Variants in NLGN1 observed in about 807,000 individuals in gnomAD.
NLGN1 encodes neuroligin 1, also known as neuroligin-1.
In NLGN1, 12 loss-of-function variants were observed where a neutral mutation model predicts 65.5. The observed-to-expected ratio is 0.18, with a 90% confidence interval of 0.12 to 0.30. NLGN1 has a LOEUF of 0.30. Ranked by LOEUF, NLGN1 falls within the 10% of genes least tolerant of loss-of-function variation. The pLI is 1.00. For synonymous variants in NLGN1, 350 were observed against 359.5 expected, an observed-to-expected ratio of 0.97 and a Z score of 0.30; for missense variants, 750 against 1,007.1, an observed-to-expected ratio of 0.74 and a Z score of 3.46.
At chr3:173,694,572 G>A (rs1414001487) in intron 3 of NLGN1, among the ~76,000 whole-genome samples, 1 of 152,118 alleles carries the variant, frequency 6.6e-6, no homozygotes, top group South Asian at 2.1e-4. Flanking sequence ...TTGTCAGAAT[G>A]TACAGTAGGG....
At chr3:173,847,513 T>C (rs1726007815) in intron 4 of NLGN1, among the ~76,000 whole-genome samples, 1 of 152,214 alleles carries the variant, frequency 6.6e-6, no homozygotes. Context: ...GACTGGCTTA[T>C]TACAATGAGA....
In NLGN1 at chr3:174,154,675, T is replaced by C. The variant is rs1372726234; in HGVS notation, c.647-120640T>C. ...CAGACTTTGTGCAGAAAACTGACAA[T>C]GAAAGTGATTACATAGGAAAAATGC... On this transcript the variant is annotated intron_variant, in intron 4 of 6. Coordinates refer to ENST00000457714, the Ensembl canonical transcript of NLGN1. Among the ~76,000 whole-genome samples, 4 of 151,730 alleles carry C rather than the reference T, an allele frequency of 2.6e-5. No individual in the cohort carries two copies. The East Asian group carries it at 7.7e-4, about 29-fold the overall frequency.
intron 3 of NLGN1, among the ~76,000 whole-genome samples, chr3:173,637,407 C>A (rs549503862): frequency 6.6e-6 from 1 of 152,202 alleles, no homozygotes; most frequent in Non-Finnish European, 1.5e-5. Context: ...AACTAAATGA[C>A]CCCTATTGGT....
chr3:173,992,590 G>A (rs1306424125), intron 4 of NLGN1, among the ~76,000 whole-genome samples: 1 of 152,052 alleles, frequency 6.6e-6, no homozygotes, highest in Non-Finnish European at 1.5e-5. Context: ...AAGTAAAATA[G>A]GCTTATCTTT....
chr3:174,267,891 A>T (rs1561433727), intron 4 of NLGN1, among the ~76,000 whole-genome samples: 1 of 152,338 alleles, frequency 6.6e-6, no homozygotes, highest in East Asian at 1.9e-4. Flanking sequence ...TAGTCCAGAA[A>T]AAAATGGAAT....
chr3:173,680,542 T>G (rs1763815392), intron 3 of NLGN1, among the ~76,000 whole-genome samples: 1 of 152,184 alleles, frequency 6.6e-6, no homozygotes, highest in African/African-American at 2.4e-5. Flanking sequence ...GTGACAAGTT[T>G]TTAAAATTCT....
chr3:173,897,856 A>C (rs1177622469), intron 4 of NLGN1, among the ~76,000 whole-genome samples: 1 of 152,192 alleles, frequency 6.6e-6, no homozygotes, highest in East Asian at 1.9e-4. Context: ...CTAATAGAAT[A>C]GCATGGTGTT....
chr3:173,792,597 T>A (rs1285780272), intron 3 of NLGN1, among the ~76,000 whole-genome samples: 2 of 152,018 alleles, frequency 1.3e-5, no homozygotes, highest in Non-Finnish European at 1.5e-5. Context: ...GGTCTAAGGA[T>A]GAAGTCACTG....
chr3:173,669,541 T>C (rs1053960687), intron 3 of NLGN1, among the ~76,000 whole-genome samples: 7 of 152,176 alleles, frequency 4.6e-5, no homozygotes, highest in African/African-American at 1.7e-4. Context: ...TGGATGTCAG[T>C]CATATTGGAT....
intron 3 of NLGN1, among the ~76,000 whole-genome samples, chr3:173,665,117 C>T (rs1489744005): frequency 6.6e-6 from 1 of 152,128 alleles, no homozygotes; most frequent in Non-Finnish European, 1.5e-5. Context: ...TCTGTGTCCC[C>T]AACCAAAATC....
At chr3:173,731,909 T>C (rs1346053953) in intron 3 of NLGN1, among the ~76,000 whole-genome samples, 1 of 151,984 alleles carries the variant, frequency 6.6e-6, no homozygotes, top group East Asian at 1.9e-4. Context: ...AACAGAGTAA[T>C]GAAAAGATAA....
chr3:173,505,404 T>G (rs1017015277), intron 2 of NLGN1, among the ~76,000 whole-genome samples: 8 of 152,108 alleles, frequency 5.3e-5, no homozygotes. Flanking sequence ...TGCCAGTGCC[T>G]TACTTAAAAT....
chr3:173,785,239 C>T (rs1781771388), intron 3 of NLGN1, among the ~76,000 whole-genome samples: 1 of 152,202 alleles, frequency 6.6e-6, no homozygotes, highest in African/African-American at 2.4e-5. Flanking sequence ...ATCATGGTGC[C>T]TCATTCTTAC....
intron 4 of NLGN1, among the ~76,000 whole-genome samples, chr3:174,084,626 A>G (rs1016471783): frequency 5.3e-5 from 8 of 152,074 alleles, no homozygotes; most frequent in African/African-American, 1.7e-4. Context: ...AATGGTAAGA[A>G]GGGATTATCC....
chr3:174,282,071 A>G (rs1263467316), exon 7 of NLGN1: 1 of 152,334 alleles, frequency 6.6e-6, no homozygotes, highest in Non-Finnish European at 1.5e-5. Context: ...ACAATAAAAT[A>G]ATTCACAGTA....
At chr3:173,941,183 A>G (rs1417266834) in intron 4 of NLGN1, among the ~76,000 whole-genome samples, 1 of 152,094 alleles carries the variant, frequency 6.6e-6, no homozygotes, top group East Asian at 1.9e-4. Flanking sequence ...ATCATAGTAC[A>G]GAATCATAAT....
At chr3:173,632,852 T>TG (rs1560081899) in intron 3 of NLGN1, among the ~76,000 whole-genome samples, 3 of 91,024 alleles carry the variant, frequency 3.3e-5, no homozygotes, top group African/African-American at 1.7e-4. Flanking sequence ...TTTTTTTGTT[T>TG]TTTTTTTTTT....
At chr3:173,954,994 G>T (rs1190579560) in intron 4 of NLGN1, among the ~76,000 whole-genome samples, 1 of 151,822 alleles carries the variant, frequency 6.6e-6, no homozygotes, top group Non-Finnish European at 1.5e-5. Context: ...AAAAGTTTTT[G>T]GCTTTGTGGA....
intron 2 of NLGN1, among the ~76,000 whole-genome samples, chr3:173,463,904 T>G (rs1723819092): frequency 6.6e-6 from 1 of 152,034 alleles, no homozygotes; most frequent in African/African-American, 2.4e-5. Flanking sequence ...ATAATGGGTT[T>G]ATAGTTGTTA....
Sources: gnomAD v4.1 joint callset for allele counts (sites outside exome capture counted in the v4.1 genomes callset) on GRCh38, gnomAD v4.1.1 for gene constraint, MANE v1.5 for transcripts, NCBI Gene and HGNC (gene_info 2026-07-23, HGNC 2026-07-21) for gene names.